The following DGKB variants were observed in gnomAD, a reference collection of about 807,000 sequenced individuals.
DGKB encodes diacylglycerol kinase beta.
Under a neutral mutation model 114.3 loss-of-function variants are expected in DGKB, and 67 were observed. The ratio of observed to expected loss-of-function variants is 0.59; its 90% CI spans 0.48 to 0.72. The LOEUF (loss-of-function observed/expected upper bound fraction) is 0.72, where lower values mean the gene tolerates loss of function less well. Ranked by LOEUF, DGKB falls within the 30% of genes least tolerant of loss-of-function variation. DGKB has a pLI of 0.00. For synonymous variants in DGKB, 398 were observed against 323.1 expected (o/e 1.23, Z -2.49); for missense variants, 907 against 975.2 (o/e 0.93, Z 0.93).
chr7:14,440,537 T>C (rs991727909), intron 21 of DGKB, among the ~76,000 whole-genome samples: 1 of 152,126 alleles, frequency 6.6e-6, no homozygotes, highest in Non-Finnish European at 1.5e-5. Flanking sequence ...AAAATGTGGG[T>C]CTGTGAGATA....
intron 20 of DGKB, among the ~76,000 whole-genome samples, chr7:14,511,911 T>C (rs751704440): frequency 3.9e-5 from 6 of 152,192 alleles, no homozygotes; most frequent in Non-Finnish European, 7.3e-5. Flanking sequence ...GAAGTCAGAA[T>C]GCAGAATTGA....
chr7:14,671,236 C>T (rs1444889381), intron 13 of DGKB, among the ~76,000 whole-genome samples: 2 of 151,936 alleles, frequency 1.3e-5, no homozygotes, highest in African/African-American at 4.8e-5. Flanking sequence ...ATTGTGAACC[C>T]AGGAAAGATA....
intron 23 of DGKB, among the ~76,000 whole-genome samples, chr7:14,187,068 T>G (rs1783554768): frequency 6.6e-6 from 1 of 152,036 alleles, no homozygotes; most frequent in Admixed American, 6.6e-5. Flanking sequence ...GAGAAAAAAG[T>G]GCTACAAAGG....
chr7:14,266,420 A>G (rs1797525914), intron 23 of DGKB, among the ~76,000 whole-genome samples: 3 of 152,208 alleles, frequency 2.0e-5, no homozygotes, highest in African/African-American at 7.2e-5. Flanking sequence ...AGGCCAAATA[A>G]AATATATGTG....
At chr7:14,271,462 C>T (rs190799063) in intron 23 of DGKB, among the ~76,000 whole-genome samples, 1 of 152,288 alleles carries the variant, frequency 6.6e-6, no homozygotes, top group Non-Finnish European at 1.5e-5. Context: ...CTGTGGTGTA[C>T]ACATACATTT....
intron 20 of DGKB, among the ~76,000 whole-genome samples, chr7:14,567,089 T>A (rs954779826): frequency 4.1e-5 from 5 of 122,852 alleles, no homozygotes; most frequent in African/African-American, 1.5e-4. Context: ...TAAAAAATTA[T>A]CCATTTATAT....
intron 21 of DGKB, among the ~76,000 whole-genome samples, chr7:14,457,350 T>G (rs1832429358): frequency 6.6e-6 from 1 of 152,124 alleles, no homozygotes. Context: ...TCTAACTGGG[T>G]AAAGTTATTA....
intron 23 of DGKB, among the ~76,000 whole-genome samples, chr7:14,194,744 A>T (rs918094721): frequency 1.3e-5 from 2 of 152,166 alleles, no homozygotes; most frequent in African/African-American, 4.8e-5. Context: ...TCAAGAATGG[A>T]TTTGATCATC....
At chr7:14,215,993 C>G (rs1211677011) in intron 23 of DGKB, among the ~76,000 whole-genome samples, 1 of 152,114 alleles carries the variant, frequency 6.6e-6, no homozygotes. Flanking sequence ...TTACAAACCT[C>G]TTACTATATA....
chr7:14,672,238 T>C (rs1367245880), intron 13 of DGKB, among the ~76,000 whole-genome samples: 1 of 152,114 alleles, frequency 6.6e-6, no homozygotes, highest in South Asian at 2.1e-4. Context: ...TTTTTCAAAA[T>C]GAGAAGTGCA....
At chr7:14,694,452 C>G (rs997975368) in intron 8 of DGKB, among the ~76,000 whole-genome samples, 6 of 152,116 alleles carry the variant, frequency 3.9e-5, no homozygotes, top group African/African-American at 1.4e-4. Flanking sequence ...ACAGCTAAAA[C>G]AAGAAGAATC....
In DGKB at chr7:14,753,874, A is replaced by G. The variant is rs543294886; in HGVS notation, c.168+54T>C. The G allele has an allele frequency of 1.1e-4, 117 of 1,060,854 alleles. No homozygotes were observed. In the African/African-American group the frequency reaches 1.7e-3, roughly 15 times the overall value. The allele number at this position is 1,060,854 out of a possible 1,614,324, so 65.7% of individuals were successfully genotyped here. Reference sequence around the variant, plus strand: ...GATATGGATGAGAAATTCATAGATCATATCAGAATAAAGAAAGAAAAGACA... The same window carrying G: ...GATATGGATGAGAAATTCATAGATCGTATCAGAATAAAGAAAGAAAAGACA... On this transcript the variant is annotated intron_variant, in intron 4 of 25. Coordinates refer to ENST00000402815, the MANE Select transcript of DGKB (RefSeq NM_001350709.2).
intron 17 of DGKB, among the ~76,000 whole-genome samples, chr7:14,588,118 A>G (rs1584980592): frequency 6.6e-6 from 1 of 152,092 alleles, no homozygotes; most frequent in Non-Finnish European, 1.5e-5. Context: ...TATTGAATCC[A>G]TTCTCTTTAA....
intron 4 of DGKB, among the ~76,000 whole-genome samples, chr7:14,748,424 A>G (rs1040638826): frequency 2.0e-5 from 3 of 152,220 alleles, no homozygotes; most frequent in African/African-American, 7.2e-5. Context: ...GATGAGGCAC[A>G]TATTTGCACA....
chr7:14,374,663 C>T (rs148179024), intron 21 of DGKB, among the ~76,000 whole-genome samples: 1 of 152,258 alleles, frequency 6.6e-6, no homozygotes, highest in Non-Finnish European at 1.5e-5. Context: ...AAGAGCTAGT[C>T]GCATGAGTCT....
chr7:14,478,099 T>A, intron 21 of DGKB, 62 bp downstream of exon 21: 1 of 1,124,106 alleles, frequency 8.9e-7, no homozygotes, highest in Non-Finnish European at 1.3e-6. Flanking sequence ...TACCATCTAG[T>A]GATCTTTTTA....
intron 23 of DGKB, among the ~76,000 whole-genome samples, chr7:14,277,474 G>C (rs940271380): frequency 6.6e-6 from 1 of 152,108 alleles, no homozygotes; most frequent in Non-Finnish European, 1.5e-5. Context: ...TGCCTGGCAA[G>C]AGTTCAACTT....
intron 12 of DGKB, among the ~76,000 whole-genome samples, chr7:14,673,737 T>G (rs182890888): frequency 2.6e-5 from 4 of 152,052 alleles, no homozygotes; most frequent in Non-Finnish European, 5.9e-5. Flanking sequence ...GTGTTTTAAA[T>G]AGTGATGTTT....
At chr7:14,278,299 A>G (rs1799333272) in intron 23 of DGKB, among the ~76,000 whole-genome samples, 1 of 152,362 alleles carries the variant, frequency 6.6e-6, no homozygotes, top group East Asian at 1.9e-4. Flanking sequence ...ACAGGCATAC[A>G]GACCAATGGA....
Sources: allele counts gnomAD v4.1 joint callset (sites outside exome capture counted in the v4.1 genomes callset), GRCh38; gene constraint gnomAD v4.1.1; transcripts MANE v1.5; gene names NCBI Gene and HGNC (gene_info 2026-07-23, HGNC 2026-07-21).